CYLD: variants seen among roughly 807,000 people sequenced by gnomAD.
CYLD encodes the protein ubiquitin carboxyl-terminal hydrolase CYLD.
Under a neutral mutation model 104.5 loss-of-function variants are expected in CYLD, and 26 were observed. The observed-to-expected ratio is 0.25, with a 90% confidence interval of 0.18 to 0.35. CYLD has a LOEUF of 0.35. Among genes scored for constraint, CYLD ranks in the 10% least tolerant of loss-of-function variants. The pLI, the probability that CYLD is intolerant of heterozygous loss-of-function variation, is 1.00. For synonymous variants in CYLD, 385 were observed against 399.9 expected (o/e 0.96, Z 0.45); for missense variants, 703 against 1,136.1 (o/e 0.62, Z 5.48).
intron 14 of CYLD, among the ~76,000 whole-genome samples, chr16:50,788,729 A>G (rs558020122): frequency 2.0e-5 from 3 of 152,346 alleles, no homozygotes; most frequent in East Asian, 3.9e-4. Context: ...AATTACTACA[A>G]TTAGCAAAAT....
At position 50,784,191 on chromosome 16, in the gene CYLD, T is replaced by C. The variant is rs560210390; in HGVS notation, c.1827-138T>C. Reference sequence around the variant, plus strand: ...GTATCTTCACAGGGGTCCTGGTACCTGTGTTAATGAAAAACACAAATTGTT... The same window carrying C: ...GTATCTTCACAGGGGTCCTGGTACCCGTGTTAATGAAAAACACAAATTGTT... On this transcript the variant is annotated intron_variant, in intron 11 of 18. Transcript: ENST00000427738. The C allele has an allele frequency of 6.8e-4, 585 of 863,698 alleles. 6 individuals carry two copies. Among genetic ancestry groups the C allele is most frequent in the South Asian group, 4.6e-3 (318 of 69,018 alleles). 53.5% of individuals were successfully genotyped at this position (863,698 alleles called of 1,614,324 possible). A position where few individuals can be genotyped will look rare whatever the true frequency, so the allele number is the denominator to read the frequency against.
chr16:50,759,974 G>A (rs1436319426), intron 5 of CYLD, among the ~76,000 whole-genome samples: 1 of 151,944 alleles, frequency 6.6e-6, no homozygotes, highest in Non-Finnish European at 1.5e-5. Flanking sequence ...TTAATGTTTT[G>A]TTATGACATT....
At chr16:50,747,065 T>G (rs973246744) in intron 2 of CYLD, among the ~76,000 whole-genome samples, 1 of 152,224 alleles carries the variant, frequency 6.6e-6, no homozygotes, top group Non-Finnish European at 1.5e-5. Context: ...CCTAAAAATC[T>G]AAATACATTT....
rs1486641450 is a variant in CYLD, at chr16:50,785,166, AC to A, written c.1949+717del. ...AAAATTTAAACTATGAAGAATTAGGACCATAGATCATAAAACAAATTTGTTC... is the reference window on the plus strand; with the variant it reads ...AAAATTTAAACTATGAAGAATTAGGACATAGATCATAAAACAAATTTGTTC... On this transcript the variant is annotated intron_variant, in intron 12 of 18. Transcript: ENST00000427738. 5.9e-5 allele frequency: 9 copies of A among 152,316 alleles called. 1 individual carries two copies. The highest frequency in any genetic ancestry group is 2.2e-4 in the African/African-American group (9 of 41,558). The allele number at this position is 152,316 out of a possible 1,614,324, so 9.4% of individuals were successfully genotyped here.
At chr16:50,775,700 C>T (rs1464770897) in intron 6 of CYLD, among the ~76,000 whole-genome samples, 2 of 152,148 alleles carry the variant, frequency 1.3e-5, no homozygotes, top group Non-Finnish European at 2.9e-5. Flanking sequence ...GTTCACAATG[C>T]ACATTAGCAT....
rs369147527 is a variant in CYLD at position 50,776,216 on chromosome 16, C to T, written c.960C>T (p.Ala320=). 1 of 1,613,370 alleles carries T rather than the reference C, an allele frequency of 6.2e-7. No individual in the cohort carries two copies. Among genetic ancestry groups the T allele is most frequent in the Admixed American group, 1.7e-5 (1 of 59,928 alleles). Residue 320 remains alanine (A), a synonymous_variant, in exon 7 of 19, where the codon GCC becomes GCT. Transcript: ENST00000427738. ...VTQERRPPKL[A]FMSRGVGDKG... Reference sequence around the variant, plus strand: ...AGGAAAGGAGGCCTCCCAAACTTGCCTTTATGTCAAGAGGTGTTGGGGACA... The same window carrying T: ...AGGAAAGGAGGCCTCCCAAACTTGCTTTTATGTCAAGAGGTGTTGGGGACA...
Position 50,792,683 on chromosome 16 carries a change from T to C in CYLD, c.2328T>C (p.Asn776=), listed in dbSNP as rs1971546643. ...AAATTTTTCCTTCTCTGGAATTAAATATAACAGATTTACTTGAAGACAGTA... is the reference window on the plus strand; with the variant it reads ...AAATTTTTCCTTCTCTGGAATTAAACATAACAGATTTACTTGAAGACAGTA... ...FKKIFPSLEL[N]ITDLLEDTPR... is the part of the protein sequence containing the mutation. The change falls in exon 16 of 19, where the codon AAT becomes AAC. Residue 776 remains asparagine (N), a synonymous_variant. Transcript: ENST00000427738. The C allele has an allele frequency of 6.6e-7, 1 of 1,516,502 alleles. No homozygotes were observed. The highest frequency in any genetic ancestry group is 9.1e-7 in the Non-Finnish European group (1 of 1,096,584). The allele number at this position is 1,516,502 out of a possible 1,614,324, so 93.9% of individuals were successfully genotyped here. A position where few individuals can be genotyped will look rare whatever the true frequency, so the allele number is the denominator to read the frequency against.
In CYLD at chr16:50,798,838, C is replaced by T. The variant is rs975530317; in HGVS notation, c.*2330C>T. 13 of 233,376 alleles carry T rather than the reference C, an allele frequency of 5.6e-5. No individual in the cohort carries two copies. The highest frequency in any genetic ancestry group is 4.8e-4 in the East Asian group (8 of 16,712). The allele number at this position is 233,376 out of a possible 1,614,324, so 14.5% of individuals were successfully genotyped here. ...AACGTCTTCTTCAGGTGGAGCTTGA[C>T]GTCTTTTTAATGTTACTTGGGGAGG... On this transcript the variant is annotated 3_prime_UTR_variant, in exon 19 of 19. Coordinates refer to ENST00000427738, the MANE Select transcript of CYLD (RefSeq NM_001378743.1).
Position 50,779,990 on chromosome 16 carries a change from C to T in CYLD, c.1464C>T (p.Ile488=), listed in dbSNP as rs1444669041. The T allele has an allele frequency of 1.2e-6, 2 of 1,614,120 alleles. No homozygotes were observed. Among genetic ancestry groups the T allele is most frequent in the Non-Finnish European group, 1.7e-6 (2 of 1,179,990 alleles). ...AGAACCCTCCTTTCTATGGGGTAAT[C>T]CGTTGGATCGGTCAGCCACCAGGAC... ...VKENPPFYGV[I]RWIGQPPGLN... Residue 488 remains isoleucine (I), a synonymous_variant, in exon 9 of 19, where the codon ATC becomes ATT. Transcript: ENST00000427738.
Position 50,758,126 on chromosome 16 carries a change from G to T in CYLD, c.913+3702G>T, listed in dbSNP as rs545648912. Among the ~76,000 whole-genome samples the T allele has an allele frequency of 3.6e-4, 55 of 152,260 alleles. No individual in the cohort carries two copies. The South Asian group carries it at 9.7e-3, about 27-fold the overall frequency. Reference sequence around the variant, plus strand: ...AGATGAAAAATGATAAACACAGTGAGGAGGAAGGGAGCACTAGGTTGTAGG... The same window carrying T: ...AGATGAAAAATGATAAACACAGTGATGAGGAAGGGAGCACTAGGTTGTAGG... On this transcript the variant is annotated intron_variant, in intron 5 of 18. Transcript: ENST00000427738.
chr16:50,758,604 G>A (rs540290376), intron 5 of CYLD, among the ~76,000 whole-genome samples: 19 of 152,208 alleles, frequency 1.2e-4, no homozygotes, highest in African/African-American at 4.6e-4. Context: ...GACTGGGGTG[G>A]TATGAAGAGG....
rs1336962676 is a variant in CYLD at position 50,800,640 on chromosome 16, G to A, written c.*4132G>A. The A allele has an allele frequency of 4.3e-6, 1 of 232,152 alleles. No individual in the cohort carries two copies. The highest frequency in any genetic ancestry group is 8.5e-6 in the Non-Finnish European group (1 of 117,592). 14.4% of individuals were successfully genotyped at this position (232,152 alleles called of 1,614,324 possible). ...CAAAAAAATGAAAACAAAATTCTAAGGCAAAGTTAAAGAAAAAAATTACAT... is the reference window on the plus strand; with the variant it reads ...CAAAAAAATGAAAACAAAATTCTAAAGCAAAGTTAAAGAAAAAAATTACAT... On this transcript the variant is annotated 3_prime_UTR_variant, in exon 19 of 19. Transcript: ENST00000427738.
At chr16:50,744,751 A>C (rs1966031754) in intron 2 of CYLD, 1 of 152,360 alleles carries the variant, frequency 6.6e-6, no homozygotes, top group Non-Finnish European at 1.5e-5. Context: ...TGTAATCTTT[A>C]ACATTTTCAT....
intron 5 of CYLD, among the ~76,000 whole-genome samples, chr16:50,755,120 T>C (rs12934724): frequency 1.1e-4 from 4 of 36,158 alleles, no homozygotes; most frequent in East Asian, 3.4e-4. Flanking sequence ...CATATACACA[T>C]GTGTATATAT....
At chr16:50,763,124 T>C (rs1968135776) in intron 5 of CYLD, among the ~76,000 whole-genome samples, 1 of 152,220 alleles carries the variant, frequency 6.6e-6, no homozygotes, top group East Asian at 1.9e-4. Context: ...TCACATTATA[T>C]GTGGTCTTTT....
intron 5 of CYLD, among the ~76,000 whole-genome samples, chr16:50,760,734 T>C (rs1272493449): frequency 6.6e-6 from 1 of 152,216 alleles, no homozygotes; most frequent in African/African-American, 2.4e-5. Context: ...TTTTTGATAT[T>C]GCACACAATG....
rs773907555 is a variant in CYLD at position 50,754,406 on chromosome 16, A to G, written c.895A>G (p.Ile299Val). 1 of 1,605,986 alleles carries G rather than the reference A, an allele frequency of 6.2e-7. No homozygotes were observed. Residue 299 changes from isoleucine (I) to valine (V), a missense_variant, in exon 5 of 19, where the codon ATC (isoleucine) becomes GTC (valine). Around this residue, in one of 5 missense-constraint regions of CYLD, gnomAD observed 123 missense variants for 213.3 expected, o/e 0.58. Transcript: ENST00000427738. ...ACVESTILLH[I>V]NDIIPALSES... ...TGTTGAAAGTACAATTCTATTGCAC[A>G]TCAATGATATCATCCCAGGTATGTT...
chr16:50,759,699 G>A (rs540979431), intron 5 of CYLD, among the ~76,000 whole-genome samples: 12 of 152,110 alleles, frequency 7.9e-5, no homozygotes, highest in Non-Finnish European at 1.8e-4. Context: ...ATTAATGGAC[G>A]CTTGGGTTTT....
intron 5 of CYLD, among the ~76,000 whole-genome samples, chr16:50,756,186 G>T (rs1221116180): frequency 6.6e-6 from 1 of 152,004 alleles, no homozygotes; most frequent in Non-Finnish European, 1.5e-5. Context: ...TGAGTATAAG[G>T]GTGGCATTAA....
Sources: allele counts gnomAD v4.1 joint callset (sites outside exome capture counted in the v4.1 genomes callset), GRCh38; gene constraint gnomAD v4.1.1; regional missense constraint gnomAD v4.1.1; transcripts MANE v1.5; gene names NCBI Gene and HGNC (gene_info 2026-07-23, HGNC 2026-07-21).